Variants in SLC2A13 observed in about 807,000 individuals in gnomAD.
The protein encoded by SLC2A13 is proton myo-inositol cotransporter.
A neutral mutation model predicts 64.4 loss-of-function variants in SLC2A13; 32 were observed. The ratio of observed to expected loss-of-function variants is 0.50; its 90% CI spans 0.37 to 0.67. The LOEUF (loss-of-function observed/expected upper bound fraction) is 0.67. SLC2A13 is among the 30% of genes least tolerant of loss of function. The pLI, the probability that SLC2A13 is intolerant of heterozygous loss-of-function variation, is 0.00. For missense variants in SLC2A13, 743 were observed against 829.2 expected (o/e 0.90, Z 1.28); for synonymous variants, 338 against 327.1 (o/e 1.03, Z -0.36).
intron 4 of SLC2A13, among the ~76,000 whole-genome samples, chr12:39,911,076 C>T (rs895969765): frequency 6.6e-6 from 1 of 152,076 alleles, no homozygotes; most frequent in Admixed American, 6.5e-5. Flanking sequence ...AAGAGTGAAA[C>T]TTCCTCTCAA....
rs567879413 is a variant in SLC2A13, at chr12:40,103,259, T to G, written c.556+1994A>C. ...CCTATGCTTTCCTTCCTTTACCCAT[T>G]TTGCCCCTTGCTTAGAACGTCCTTT... On this transcript the variant is annotated intron_variant, in intron 1 of 9. Coordinates refer to ENST00000280871, the MANE Select transcript of SLC2A13 (RefSeq NM_052885.4). Among the ~76,000 whole-genome samples the G allele has an allele frequency of 2.6e-5, 4 of 152,300 alleles. No homozygotes were observed. The South Asian group carries it at 8.3e-4, about 32-fold the overall frequency.
chr12:39,992,862 A>G (rs1012340333), intron 3 of SLC2A13, among the ~76,000 whole-genome samples: 1 of 152,142 alleles, frequency 6.6e-6, no homozygotes, highest in Non-Finnish European at 1.5e-5. Context: ...TCAAATTACT[A>G]CCATTTTCTC....
At chr12:39,966,998 T>G (rs957493298) in intron 3 of SLC2A13, among the ~76,000 whole-genome samples, 3 of 152,162 alleles carry the variant, frequency 2.0e-5, no homozygotes, top group Non-Finnish European at 4.4e-5. Context: ...TATGGCTGTT[T>G]TATTTTGAGG....
chr12:40,052,401 G>A (rs1282419410), intron 1 of SLC2A13, among the ~76,000 whole-genome samples: 1 of 151,710 alleles, frequency 6.6e-6, no homozygotes, highest in Admixed American at 6.6e-5. Context: ...ATCATGCTAA[G>A]CAAAAAAAGG....
chr12:39,834,565 T>A (rs1020797735), intron 6 of SLC2A13, among the ~76,000 whole-genome samples: 2 of 152,080 alleles, frequency 1.3e-5, no homozygotes, highest in Non-Finnish European at 2.9e-5. Context: ...AAACTATTCC[T>A]TCTGCTACTC....
chr12:39,764,991 A>T (rs1014155408), intron 7 of SLC2A13, 133 bp from the exon 8 acceptor site: 2 of 1,022,262 alleles, frequency 2.0e-6, no homozygotes, highest in African/African-American at 3.3e-5. Context: ...TTAAAAAATA[A>T]GAACTAAATA....
Position 39,902,382 on chromosome 12 carries a change from A to G in SLC2A13, c.1035-30421T>C, listed in dbSNP as rs1014982732. On this transcript the variant is annotated intron_variant, in intron 4 of 9. Coordinates refer to ENST00000280871, the MANE Select transcript of SLC2A13 (RefSeq NM_052885.4). ...TTAAAAAAAAGAAGAGTGAAAAGATATGTACATACACATGAAGAGAACTAT... is the reference window on the plus strand; with the variant it reads ...TTAAAAAAAAGAAGAGTGAAAAGATGTGTACATACACATGAAGAGAACTAT... 3.0e-4 allele frequency among the ~76,000 whole-genome samples: 46 copies of G among 152,004 alleles called. 1 individual carries two copies. The highest frequency in any genetic ancestry group is 8.8e-5 in the Non-Finnish European group (6 of 67,950).
At chr12:39,851,437 G>A (rs895040823) in intron 6 of SLC2A13, among the ~76,000 whole-genome samples, 1 of 152,104 alleles carries the variant, frequency 6.6e-6, no homozygotes, top group Non-Finnish European at 1.5e-5. Context: ...TTTATATATT[G>A]ATAATTATTA....
At chr12:39,811,676 G>T (rs959613785) in intron 7 of SLC2A13, among the ~76,000 whole-genome samples, 2 of 152,030 alleles carry the variant, frequency 1.3e-5, no homozygotes, top group Non-Finnish European at 2.9e-5. Flanking sequence ...ATACATTTAA[G>T]AATTGTATGT....
rs1488922083 is a variant in SLC2A13 at position 39,756,240 on chromosome 12, T to G, written c.*3786A>C. On this transcript the variant is annotated 3_prime_UTR_variant, in exon 10 of 10. Coordinates refer to ENST00000280871, the MANE Select transcript of SLC2A13 (RefSeq NM_052885.4). The stretch of plus-strand genomic sequence containing the variant: ...TGAGCTATAAATTTTAACCACAATT[T>G]AATACATTTTGCTATAAAGCACATA... 6.6e-6 allele frequency: 1 copy of G among 151,970 alleles called. No homozygotes were observed. Among genetic ancestry groups the G allele is most frequent in the Non-Finnish European group, 1.5e-5 (1 of 67,796 alleles). The allele number at this position is 151,970 out of a possible 1,614,324, so 9.4% of individuals were successfully genotyped here. A position where few individuals can be genotyped will look rare whatever the true frequency, so the allele number is the denominator to read the frequency against.
intron 3 of SLC2A13, among the ~76,000 whole-genome samples, chr12:39,971,706 G>A (rs1946648364): frequency 6.6e-6 from 1 of 151,998 alleles, no homozygotes; most frequent in African/African-American, 2.4e-5. Flanking sequence ...TGGGAACAGT[G>A]GCTCATGCCT....
chr12:39,762,067 C>G (rs1480027951), intron 9 of SLC2A13, among the ~76,000 whole-genome samples: 1 of 152,002 alleles, frequency 6.6e-6, no homozygotes, highest in East Asian at 1.9e-4. Flanking sequence ...TATTAAAATA[C>G]AAGACCGTTT....
chr12:39,772,149 T>TGAGA (rs1204107866), intron 7 of SLC2A13, among the ~76,000 whole-genome samples: 1 of 152,166 alleles, frequency 6.6e-6, no homozygotes, highest in Admixed American at 6.6e-5. Context: ...TCTACGGTAC[T>TGAGA]GAGATTTCAT....
intron 5 of SLC2A13, among the ~76,000 whole-genome samples, chr12:39,871,323 T>C (rs7967956): frequency 0.72 from 109,895 of 152,022 alleles, 40,405 homozygotes; most frequent in African/African-American, 0.86. Context: ...ACAAAAGAGT[T>C]TGTCCCTGCT....
In SLC2A13 at chr12:40,058,074, TAGATAGATAGATA is replaced by T. The variant is rs1565608586; in HGVS notation, c.557-9877_557-9865del. ...ATAGATAGATAGATAGATAGATAGA[TAGATAGATAGATA>T]GATTGATTTACTATATATATTTTAC... On this transcript the variant is annotated intron_variant, in intron 1 of 9. Transcript: ENST00000280871. Among the ~76,000 whole-genome samples the T allele has an allele frequency of 1.5e-4, 23 of 151,110 alleles. 1 individual carries two copies. Among genetic ancestry groups the T allele is most frequent in the African/African-American group, 5.6e-4 (23 of 41,304 alleles).
At chr12:40,076,123 G>A (rs1938162841) in intron 1 of SLC2A13, among the ~76,000 whole-genome samples, 1 of 152,110 alleles carries the variant, frequency 6.6e-6, no homozygotes, top group Non-Finnish European at 1.5e-5. Context: ...AAGTGCCTTT[G>A]CATTATATTC....
intron 4 of SLC2A13, among the ~76,000 whole-genome samples, chr12:39,921,245 G>T (rs981755466): frequency 6.6e-6 from 1 of 152,010 alleles, no homozygotes; most frequent in Non-Finnish European, 1.5e-5. Flanking sequence ...GCTTTGAAGC[G>T]CATGCATGGT....
At chr12:39,793,168 A>G (rs1268624359) in intron 7 of SLC2A13, among the ~76,000 whole-genome samples, 1 of 152,188 alleles carries the variant, frequency 6.6e-6, no homozygotes, top group Non-Finnish European at 1.5e-5. Flanking sequence ...AGATTGGCAC[A>G]TTAAAACCTA....
rs148415068 is a variant in SLC2A13 at position 40,068,024 on chromosome 12, C to T, written c.557-19814G>A. ...ACTCAAGACATACTCCTGCCTCAGC[C>T]TCCTGAGTAGCTTGGGCAACGGGGA... On this transcript the variant is annotated intron_variant, in intron 1 of 9. Transcript: ENST00000280871. 3.3e-4 allele frequency among the ~76,000 whole-genome samples: 50 copies of T among 152,200 alleles called. No homozygotes were observed. The East Asian group carries it at 8.3e-3, about 25-fold the overall frequency.
Sources: gnomAD v4.1 joint callset for allele counts (sites outside exome capture counted in the v4.1 genomes callset) on GRCh38, gnomAD v4.1.1 for gene constraint, MANE v1.5 for transcripts, NCBI Gene and HGNC (gene_info 2026-07-23, HGNC 2026-07-21) for gene names.